Variants in EWSR1 observed in about 807,000 individuals in gnomAD.
EWSR1 encodes the protein RNA-binding protein EWS.
EWSR1 carries 14 observed loss-of-function variants against 92.1 expected under a neutral mutation model. That is an observed-to-expected ratio of 0.15 (90% CI 0.10 to 0.24). The LOEUF is 0.24. EWSR1 is among the 10% of genes least tolerant of loss of function. EWSR1 has a pLI of 1.00. For synonymous variants in EWSR1, 303 were observed against 292.9 expected, an observed-to-expected ratio of 1.03 and a Z score of -0.35; for missense variants, 637 against 870.9, an observed-to-expected ratio of 0.73 and a Z score of 3.38.
At chr22:29,280,859 GTTGTTTTTTTTTTTTTTTT>G (rs2059522277) in intron 5 of EWSR1, among the ~76,000 whole-genome samples, 2 of 90,978 alleles carry the variant, frequency 2.2e-5, no homozygotes, top group African/African-American at 7.9e-5. Flanking sequence ...GTGTGTGTGT[GTTGTTTTTTTTTTTTTTTT>G]TTTTTTTTTT....
intron 8 of EWSR1, 145 bp downstream of exon 8, chr22:29,288,931 G>T: frequency 1.3e-6 from 1 of 766,072 alleles, no homozygotes; most frequent in South Asian, 2.4e-5. Context: ...CTAAAACATG[G>T]AAATGTCATC....
Position 29,299,733 on chromosome 22 carries a change from A to G in EWSR1, c.1813A>G (p.Met605Val). The G allele has an allele frequency of 1.9e-6, 3 of 1,611,706 alleles. No individual in the cohort carries two copies. Among genetic ancestry groups the G allele is most frequent in the Admixed American group, 1.7e-5 (1 of 59,774 alleles). ...AGGTGGCTTCCGTGGTGGCCGGGGC[A>G]TGGACCGAGGTGGCTTTGGTGGAGG... ...DRGGFRGGRG[M>V]DRGGFGGGRR... Residue 605 changes from methionine (M) to valine (V), a missense_variant, in exon 16 of 17, where the codon ATG (methionine) becomes GTG (valine). This residue lies in a region of EWSR1 where 363 missense variants were observed against 447.8 expected (regional missense o/e 0.81). Transcript: ENST00000397938.
intron 6 of EWSR1, among the ~76,000 whole-genome samples, chr22:29,284,605 G>T (rs2059877182): frequency 6.6e-6 from 1 of 151,164 alleles, no homozygotes; most frequent in African/African-American, 2.5e-5. Flanking sequence ...AATGGTGAGG[G>T]ATGTGGTGTG....
intron 5 of EWSR1, among the ~76,000 whole-genome samples, chr22:29,279,533 A>G (rs959951741): frequency 6.6e-6 from 1 of 152,264 alleles, no homozygotes; most frequent in African/African-American, 2.4e-5. Flanking sequence ...TATAATTATT[A>G]CTTAACAAAA....
intron 5 of EWSR1, among the ~76,000 whole-genome samples, chr22:29,279,955 A>T (rs1331132266): frequency 6.6e-6 from 1 of 151,970 alleles, no homozygotes; most frequent in East Asian, 1.9e-4. Context: ...ACTTGTTACC[A>T]CTTTAAAACA....
At chr22:29,294,929 A>G (rs900813643) in intron 11 of EWSR1, among the ~76,000 whole-genome samples, 3 of 151,818 alleles carry the variant, frequency 2.0e-5, no homozygotes, top group Admixed American at 6.6e-5. Context: ...AAAAGGAAAT[A>G]CAGTTGATTT....
At chr22:29,296,100 AACTT>A in intron 11 of EWSR1, 135 bp from the exon 12 acceptor site, 3 of 878,486 alleles carry the variant, frequency 3.4e-6, no homozygotes, top group Non-Finnish European at 5.0e-6. Flanking sequence ...AATTCTGAAA[AACTT>A]AAAAGCGGAG....
Position 29,298,706 on chromosome 22 carries a change from T to G in EWSR1, c.1418-27T>G, listed in dbSNP as rs767277062. On this transcript the variant is annotated intron_variant, in intron 13 of 16. Coordinates refer to ENST00000397938, the MANE Select transcript of EWSR1 (RefSeq NM_005243.4). ...AATTTGGTGCTACAGAGAAATGATT[T>G]GCTGTTTCTTGTTGTTCTTGTTGTA... 14 of 1,612,166 alleles carry G rather than the reference T, an allele frequency of 8.7e-6. No homozygotes were observed. In the Admixed American group the frequency reaches 1.8e-4, roughly 21 times the overall value.
intron 5 of EWSR1, 33 bp downstream of exon 5, chr22:29,278,249 T>TA: frequency 1.9e-6 from 3 of 1,596,512 alleles, no homozygotes; most frequent in Non-Finnish European, 2.6e-6. Context: ...GCGTCAGTCT[T>TA]ATGTTGGAGG....
At chr22:29,287,271 C>G in intron 7 of EWSR1, 137 bp downstream of exon 7, 1 of 828,070 alleles carries the variant, frequency 1.2e-6, no homozygotes, top group South Asian at 1.7e-5. Flanking sequence ...TACAGTGGTG[C>G]CATCTCAGCT....
At position 29,300,483 on chromosome 22, in the gene EWSR1, T is replaced by G. The variant is rs528944830; in HGVS notation, c.*322T>G. 44 of 251,664 alleles carry G rather than the reference T, an allele frequency of 1.7e-4. No individual in the cohort carries two copies. The highest frequency in any genetic ancestry group is 2.7e-4 in the African/African-American group (12 of 45,244). The allele number at this position is 251,664 out of a possible 1,614,324, so 15.6% of individuals were successfully genotyped here. ...ACAATGTTCATGGTTGTGATGTTTTTTTTTTTTTTTTAAATAAAATTCCAA... is the reference window on the plus strand; with the variant it reads ...ACAATGTTCATGGTTGTGATGTTTTGTTTTTTTTTTTAAATAAAATTCCAA... On this transcript the variant is annotated 3_prime_UTR_variant, in exon 17 of 17. Coordinates refer to ENST00000397938, the MANE Select transcript of EWSR1 (RefSeq NM_005243.4).
At chr22:29,273,346 A>G (rs564256489) in intron 3 of EWSR1, among the ~76,000 whole-genome samples, 1 of 152,324 alleles carries the variant, frequency 6.6e-6, no homozygotes, top group Non-Finnish European at 1.5e-5. Flanking sequence ...TTTTGTTTCC[A>G]ATCACTAAAA....
chr22:29,286,897 T>G, intron 6 of EWSR1, 26 bp from the exon 7 acceptor site: 1 of 1,587,184 alleles, frequency 6.3e-7, no homozygotes, highest in Non-Finnish European at 8.6e-7. Flanking sequence ...AAAAGCTTTT[T>G]TTTTTTTCTC....
rs552777065 is a variant in EWSR1, at chr22:29,297,690, T to C, written c.1295-137T>C. On this transcript the variant is annotated intron_variant, in intron 12 of 16. Transcript: ENST00000397938. ...ACTCCCATCTCAAAAAAAGCCTTTT[T>C]CTGGCCTTGTCATTAAAGATCTTAG... 9 of 1,248,758 alleles carry C rather than the reference T, an allele frequency of 7.2e-6. No individual in the cohort carries two copies. In the East Asian group the frequency reaches 1.9e-4, roughly 26 times the overall value. The allele number at this position is 1,248,758 out of a possible 1,614,324, so 77.4% of individuals were successfully genotyped here. A position where few individuals can be genotyped will look rare whatever the true frequency, so the allele number is the denominator to read the frequency against.
intron 6 of EWSR1, among the ~76,000 whole-genome samples, chr22:29,284,372 T>C (rs1361641753): frequency 6.6e-6 from 1 of 151,392 alleles, no homozygotes; most frequent in East Asian, 1.9e-4. Flanking sequence ...GGTTCCCTTT[T>C]TTGCACTCAT....
chr22:29,292,073 G>C (rs2060480975), intron 9 of EWSR1, 64 bp from the exon 10 acceptor site: 3 of 1,430,922 alleles, frequency 2.1e-6, no homozygotes, highest in East Asian at 2.3e-5. Flanking sequence ...ATGTGTGTTT[G>C]TAAGGTTTGT....
intron 3 of EWSR1, among the ~76,000 whole-genome samples, chr22:29,272,916 A>G (rs2058799452): frequency 6.6e-6 from 1 of 152,204 alleles, no homozygotes; most frequent in African/African-American, 2.4e-5. Context: ...AGCCTAGGCC[A>G]ACAGATTCTA....
At chr22:29,277,994 G>A (rs375260599) in intron 4 of EWSR1, 36 bp from the exon 5 acceptor site, 2 of 1,586,354 alleles carry the variant, frequency 1.3e-6, no homozygotes, top group African/African-American at 2.7e-5. Context: ...ATCTCTGAGG[G>A]GACCTGAAAT....
intron 4 of EWSR1, chr22:29,277,056 A>G (rs1388112719): frequency 4.3e-6 from 1 of 230,224 alleles, no homozygotes; most frequent in Non-Finnish European, 8.6e-6. Flanking sequence ...GGTTTTGGTC[A>G]TGCTCCACGC....
Sources: allele counts gnomAD v4.1 joint callset (sites outside exome capture counted in the v4.1 genomes callset), GRCh38; gene constraint gnomAD v4.1.1; regional missense constraint gnomAD v4.1.1; transcripts MANE v1.5; gene names NCBI Gene and HGNC (gene_info 2026-07-23, HGNC 2026-07-21).